The following RUVBL1 variants were observed in gnomAD, a reference collection of about 807,000 sequenced individuals.
RUVBL1 encodes the protein ruvB-like 1.
A neutral mutation model predicts 52.4 loss-of-function variants in RUVBL1; 4 were observed. That is an observed-to-expected ratio of 0.08 (90% CI 0.04 to 0.17). The LOEUF (loss-of-function observed/expected upper bound fraction) is 0.17, where lower values mean the gene tolerates loss of function less well. RUVBL1 is among the 10% of genes least tolerant of loss of function. The pLI, the probability that RUVBL1 is intolerant of heterozygous loss-of-function variation, is 1.00. For missense variants in RUVBL1, 298 were observed against 572.8 expected (o/e 0.52, Z 4.90); for synonymous variants, 217 against 214.4 (o/e 1.01, Z -0.10).
chr3:128,074,027 G>GACTA (rs56868637), intron 9 of RUVBL1, among the ~76,000 whole-genome samples: 34,278 of 152,044 alleles, frequency 0.23, 3,906 homozygotes, highest in South Asian at 0.27. Context: ...GTGACTAATA[G>GACTA]ACTACATCAG....
intron 9 of RUVBL1, chr3:128,066,483 C>G (rs1160875318): frequency 6.3e-6 from 1 of 159,952 alleles, no homozygotes; most frequent in Non-Finnish European, 1.4e-5. Flanking sequence ...AATGCAGTGG[C>G]ATGATCTCGG....
At chr3:128,117,779 C>T (rs974861197) in intron 2 of RUVBL1, among the ~76,000 whole-genome samples, 3 of 151,912 alleles carry the variant, frequency 2.0e-5, no homozygotes, top group African/African-American at 7.3e-5. Flanking sequence ...ATTCAAGAAG[C>T]ACAATTAGCA....
chr3:128,131,520 CCAA>C (rs951361730), intron 1 of RUVBL1, among the ~76,000 whole-genome samples: 21 of 146,678 alleles, frequency 1.4e-4, no homozygotes, highest in South Asian at 6.5e-4. Context: ...GTAAAACAAA[CCAA>C]CAACAACAAC....
At chr3:128,098,831 G>A (rs1576455593) in intron 7 of RUVBL1, 51 bp downstream of exon 7, 1 of 1,499,892 alleles carries the variant, frequency 6.7e-7, no homozygotes, top group East Asian at 2.3e-5. Context: ...ATCTCAGAAT[G>A]TGGGGCCCTC....
chr3:128,127,591 T>C (rs1477653572), upstream of RUVBL1, among the ~76,000 whole-genome samples: 1 of 152,210 alleles, frequency 6.6e-6, no homozygotes, highest in Non-Finnish European at 1.5e-5. Flanking sequence ...CCTTCTTCAC[T>C]GCCTCCTGAG....
chr3:128,096,404 G>A (rs1379939821), intron 8 of RUVBL1, among the ~76,000 whole-genome samples: 2 of 152,238 alleles, frequency 1.3e-5, no homozygotes, highest in Admixed American at 6.5e-5. Flanking sequence ...TTGGCAGGAT[G>A]AGCACCGTAT....
chr3:128,097,379 T>C lies in RUVBL1; in HGVS notation c.937A>G (p.Thr313Ala). The C allele has an allele frequency of 1.2e-6, 2 of 1,614,058 alleles. No individual in the cohort carries two copies. Among genetic ancestry groups the C allele is most frequent in the Non-Finnish European group, 1.7e-6 (2 of 1,180,012 alleles). The change falls in exon 8 of 11, where the codon ACC becomes GCC. Residue 313 changes from threonine (T) to alanine (A), a missense_variant. By Grantham distance (58) the Thr-to-Ala change is moderately conservative. Around this residue, in one of 5 missense-constraint regions of RUVBL1, gnomAD observed 161 missense variants for 298.3 expected, o/e 0.54. Transcript: ENST00000322623. The stretch of plus-strand genomic sequence containing the variant: ...GACTCCAGGGCGCGGTGCAGGTAGG[T>C]GAAGCACTCAATGTCCAGCATGTGG... ...EVHMLDIECF[T>A]YLHRALESSI...
chr3:128,121,604 C>G (rs112434347), intron 1 of RUVBL1, among the ~76,000 whole-genome samples: 20,596 of 149,564 alleles, frequency 0.14, 1,573 homozygotes, highest in African/African-American at 0.2. Context: ...CAGCTACTCA[C>G]GAGGCTGAGG....
intron 1 of RUVBL1, among the ~76,000 whole-genome samples, chr3:128,133,507 G>A (rs187927413): frequency 6.6e-6 from 1 of 152,236 alleles, no homozygotes; most frequent in East Asian, 1.9e-4. Flanking sequence ...AGAGGTGCTT[G>A]TATCATCCCT....
At chr3:128,093,858 CT>C (rs1942909313) in intron 8 of RUVBL1, among the ~76,000 whole-genome samples, 1 of 152,146 alleles carries the variant, frequency 6.6e-6, no homozygotes, top group African/African-American at 2.4e-5. Flanking sequence ...GGGACAGGTG[CT>C]TCTTCTAGAA....
At chr3:128,112,795 C>T (rs1943425377) in intron 3 of RUVBL1, 93 bp downstream of exon 3, 9 of 1,370,218 alleles carry the variant, frequency 6.6e-6, no homozygotes, top group Non-Finnish European at 9.0e-6. Context: ...GCCACGAATA[C>T]CAGTCATAAA....
upstream of RUVBL1, among the ~76,000 whole-genome samples, chr3:128,126,201 T>TTGTGTG (rs10576695): frequency 1.8e-4 from 27 of 147,622 alleles, no homozygotes; most frequent in South Asian, 8.7e-4. Context: ...AGTTGTTCCT[T>TTGTGTG]TGTGTGTGTG....
At chr3:128,129,364 A>G (rs1186277458) in intron 1 of RUVBL1, among the ~76,000 whole-genome samples, 3 of 152,240 alleles carry the variant, frequency 2.0e-5, no homozygotes, top group Non-Finnish European at 4.4e-5. Flanking sequence ...GAAATGAATG[A>G]CAACAAAAGA....
chr3:128,125,295 G>T (rs920806689), upstream of RUVBL1, among the ~76,000 whole-genome samples: 1 of 152,058 alleles, frequency 6.6e-6, no homozygotes, highest in Non-Finnish European at 1.5e-5. Flanking sequence ...GATTACAAGC[G>T]TGAGCCACCG....
At chr3:128,153,445 C>T (rs1576499302) in exon 1 of RUVBL1, 23 of 1,431,748 alleles carry the variant, frequency 1.6e-5, no homozygotes, top group South Asian at 1.5e-4. Context: ...CGGGCCGGAC[C>T]GCGGCGACTA....
intron 1 of RUVBL1, among the ~76,000 whole-genome samples, chr3:128,145,755 G>T (rs1420963967): frequency 5.9e-5 from 9 of 152,150 alleles, no homozygotes; most frequent in Admixed American, 5.9e-4. Context: ...AGTCCTACTG[G>T]TGCCTTTAGG....
At chr3:128,100,839 C>T in intron 5 of RUVBL1, 95 bp from the exon 6 acceptor site, 1 of 1,417,688 alleles carries the variant, frequency 7.1e-7, no homozygotes, top group South Asian at 1.3e-5. Context: ...TCAGTTCCCA[C>T]TGCAGGCCTG....
intron 8 of RUVBL1, among the ~76,000 whole-genome samples, chr3:128,088,816 A>C (rs1942736828): frequency 6.6e-6 from 1 of 152,146 alleles, no homozygotes; most frequent in Non-Finnish European, 1.5e-5. Context: ...CAATCCATTA[A>C]ATATTTTACT....
chr3:128,090,316 G>A (rs1031320402), intron 8 of RUVBL1, among the ~76,000 whole-genome samples: 47 of 152,342 alleles, frequency 3.1e-4, no homozygotes, highest in African/African-American at 1.0e-3. Flanking sequence ...CAGATCACGA[G>A]GTCAGGAGAT....
Sources: gnomAD v4.1 joint callset for allele counts (sites outside exome capture counted in the v4.1 genomes callset) on GRCh38, gnomAD v4.1.1 for gene constraint, gnomAD v4.1.1 regional missense constraint, MANE v1.5 for transcripts, NCBI Gene and HGNC (gene_info 2026-07-23, HGNC 2026-07-21) for gene names.